Variants in ADGRL3 observed in about 807,000 individuals in gnomAD.
The protein encoded by ADGRL3 is adhesion G protein-coupled receptor L3, also known as calcium-independent alpha-latrotoxin receptor 3.
ADGRL3 carries 62 observed loss-of-function variants against 153.5 expected under a neutral mutation model. That is an observed-to-expected ratio of 0.40 (90% CI 0.33 to 0.50). The LOEUF (loss-of-function observed/expected upper bound fraction) is 0.50. ADGRL3 is among the 20% of genes least tolerant of loss of function. ADGRL3 has a pLI of 0.47. For missense variants in ADGRL3, 1,641 were observed against 1,859.4 expected (o/e 0.88, Z 2.16); for synonymous variants, 710 against 672.5 (o/e 1.06, Z -0.86).
At chr4:61,362,247 C>T (rs2096295531) in intron 1 of ADGRL3, among the ~76,000 whole-genome samples, 1 of 151,218 alleles carries the variant, frequency 6.6e-6, no homozygotes, top group Non-Finnish European at 1.5e-5. Flanking sequence ...AAGTGATCTG[C>T]CTTCCTCGGC....
In ADGRL3 at chr4:61,934,888, G is replaced by A; in HGVS notation, c.2161G>A (p.Ala721Thr). ...NNLLQPQALN[A>T]WRDLTTSDQL... The stretch of plus-strand genomic sequence containing the variant: ...CCTCCTTCAGCCACAAGCTTTGAAT[G>A]CATGGAGAGACCTGACTACGAGTGA... Residue 721 changes from alanine (A) to threonine (T), a missense_variant, in exon 14 of 27, where the codon GCA (alanine) becomes ACA (threonine). Physicochemically the swap from Ala to Thr is moderately conservative, Grantham distance 58. Coordinates refer to ENST00000683033, the MANE Select transcript of ADGRL3 (RefSeq NM_001387552.1). 1.2e-6 allele frequency: 2 copies of A among 1,613,796 alleles called. No individual in the cohort carries two copies. Among genetic ancestry groups the A allele is most frequent in the Non-Finnish European group, 1.7e-6 (2 of 1,179,784 alleles).
At chr4:61,921,342 T>G (rs923576232) in intron 13 of ADGRL3, among the ~76,000 whole-genome samples, 2 of 152,126 alleles carry the variant, frequency 1.3e-5, no homozygotes, top group Non-Finnish European at 2.9e-5. Context: ...GGTGCTCCCT[T>G]GCGGTTGCGT....
At chr4:62,042,303 TAGG>T (rs1296233854) in intron 24 of ADGRL3, among the ~76,000 whole-genome samples, 1 of 151,894 alleles carries the variant, frequency 6.6e-6, no homozygotes, top group African/African-American at 2.4e-5. Context: ...CATGGTATTA[TAGG>T]AGATGTTAGT....
intron 1 of ADGRL3, among the ~76,000 whole-genome samples, chr4:61,244,484 GAT>G (rs1756262521): frequency 1.3e-5 from 2 of 152,006 alleles, no homozygotes; most frequent in South Asian, 4.2e-4. Context: ...ATACATGTGT[GAT>G]ATGTTCTCTT....
chr4:61,859,358 G>A (rs1358057903), intron 9 of ADGRL3, among the ~76,000 whole-genome samples: 1 of 152,116 alleles, frequency 6.6e-6, no homozygotes, highest in Non-Finnish European at 1.5e-5. Flanking sequence ...TGCAAATCAA[G>A]TAATAATAAA....
intron 9 of ADGRL3, among the ~76,000 whole-genome samples, chr4:61,850,566 C>CTACAGACAATGCAGG (rs2098190089): frequency 6.6e-6 from 1 of 152,108 alleles, no homozygotes; most frequent in Non-Finnish European, 1.5e-5. Flanking sequence ...CCAAAGAGCT[C>CTACAGACAATGCAGG]AAGACAATGG....
intron 6 of ADGRL3, among the ~76,000 whole-genome samples, chr4:61,708,075 G>T (rs1289101281): frequency 6.6e-6 from 1 of 151,890 alleles, no homozygotes; most frequent in Non-Finnish European, 1.5e-5. Flanking sequence ...AAGTTTTGTG[G>T]GTCACTTGGT....
chr4:61,295,804 T>TA (rs56672796), intron 1 of ADGRL3, among the ~76,000 whole-genome samples: 38,717 of 140,744 alleles, frequency 0.28, 5,379 homozygotes, highest in South Asian at 0.45. Flanking sequence ...TACACAGATT[T>TA]AAAAAAAAAA....
intron 1 of ADGRL3, among the ~76,000 whole-genome samples, chr4:61,246,974 T>C (rs926864462): frequency 2.6e-5 from 4 of 152,052 alleles, no homozygotes; most frequent in African/African-American, 4.8e-5. Flanking sequence ...ACAACACAAA[T>C]TGAATGCTAC....
At chr4:61,677,875 T>C (rs2095245395) in intron 6 of ADGRL3, among the ~76,000 whole-genome samples, 2 of 152,020 alleles carry the variant, frequency 1.3e-5, no homozygotes, top group South Asian at 4.1e-4. Flanking sequence ...GCTGGAAGTA[T>C]AAATACTTCA....
At chr4:61,838,993 A>G (rs1249535553) in intron 9 of ADGRL3, among the ~76,000 whole-genome samples, 1 of 152,180 alleles carries the variant, frequency 6.6e-6, no homozygotes, top group Non-Finnish European at 1.5e-5. Context: ...AGTCCTGTTG[A>G]TAGAGAGTGT....
chr4:61,362,484 G>C (rs866734596), intron 1 of ADGRL3, among the ~76,000 whole-genome samples: 2 of 151,914 alleles, frequency 1.3e-5, no homozygotes, highest in African/African-American at 2.4e-5. Context: ...CTTAACTACC[G>C]ATAGACTATT....
chr4:61,712,556 A>T (rs1170885484), intron 6 of ADGRL3, among the ~76,000 whole-genome samples: 1 of 152,176 alleles, frequency 6.6e-6, no homozygotes, highest in African/African-American at 2.4e-5. Flanking sequence ...ATAAATCAGA[A>T]GTTGTATGTA....
At chr4:61,659,741 A>C (rs2094538860) in intron 5 of ADGRL3, among the ~76,000 whole-genome samples, 1 of 152,094 alleles carries the variant, frequency 6.6e-6, no homozygotes, top group Admixed American at 6.5e-5. Context: ...ATATAAATGA[A>C]AGAAATTATA....
intron 1 of ADGRL3, among the ~76,000 whole-genome samples, chr4:61,360,787 T>G (rs746085934): frequency 6.6e-6 from 1 of 152,152 alleles, no homozygotes; most frequent in South Asian, 2.1e-4. Context: ...TACTTTTTAG[T>G]GTATGGTGTA....
intron 11 of ADGRL3, among the ~76,000 whole-genome samples, chr4:61,902,386 A>G (rs1415454931): frequency 2.0e-5 from 3 of 151,788 alleles, no homozygotes; most frequent in East Asian, 1.9e-4. Flanking sequence ...CATGCCCACT[A>G]CCCCAATCCA....
In ADGRL3 at chr4:61,979,727, A is replaced by G. The variant is rs372021368; in HGVS notation, c.2970A>G (p.Val990=). 1.2e-5 allele frequency: 19 copies of G among 1,614,012 alleles called. No individual in the cohort carries two copies. The African/African-American group carries it at 2.4e-4, about 20-fold the overall frequency. The change falls in exon 18 of 27, where the codon GTA becomes GTG. Residue 990 remains valine, a synonymous_variant. Transcript: ENST00000683033. ...IHKNLCISLF[V]AELLFLIGIN... is the part of the protein sequence containing the mutation. The stretch of plus-strand genomic sequence containing the variant: ...AGAACCTCTGCATCAGTCTCTTTGT[A>G]GCAGAGCTGCTCTTCCTGATTGGGA...
intron 21 of ADGRL3, among the ~76,000 whole-genome samples, chr4:62,006,565 A>G (rs1367525910): frequency 6.8e-6 from 1 of 146,938 alleles, no homozygotes; most frequent in African/African-American, 2.5e-5. Context: ...ATTTGGAATC[A>G]TCAATGTATA....
chr4:61,723,882 C>T (rs1281596123), intron 6 of ADGRL3, among the ~76,000 whole-genome samples: 1 of 152,152 alleles, frequency 6.6e-6, no homozygotes, highest in Non-Finnish European at 1.5e-5. Flanking sequence ...AAAATAATTT[C>T]TTAATAACTT....
Sources: allele counts gnomAD v4.1 joint callset (sites outside exome capture counted in the v4.1 genomes callset), GRCh38; gene constraint gnomAD v4.1.1; transcripts MANE v1.5; gene names NCBI Gene and HGNC (gene_info 2026-07-23, HGNC 2026-07-21).